MYO1E: variants seen among roughly 807,000 people sequenced by gnomAD.
The protein encoded by MYO1E is myosin IE.
In MYO1E, 68 loss-of-function variants were observed where a neutral mutation model predicts 151.1. The ratio of observed to expected loss-of-function variants is 0.45; its 90% CI spans 0.37 to 0.55. The LOEUF (loss-of-function observed/expected upper bound fraction) is 0.55, where lower values mean the gene tolerates loss of function less well. Among genes scored for constraint, MYO1E ranks in the 20% least tolerant of loss-of-function variants. The pLI is 0.00. For synonymous variants in MYO1E, 601 were observed against 501.7 expected, an observed-to-expected ratio of 1.20 and a Z score of -2.64; for missense variants, 1,363 against 1,389.3, an observed-to-expected ratio of 0.98 and a Z score of 0.30.
At chr15:59,192,409 T>C (rs1181366883) in intron 17 of MYO1E, among the ~76,000 whole-genome samples, 2 of 152,150 alleles carry the variant, frequency 1.3e-5, no homozygotes, top group Non-Finnish European at 2.9e-5. Flanking sequence ...CAATGAATTA[T>C]GTTGGATTTT....
At chr15:59,333,229 A>ACTTT (rs779416248) in intron 1 of MYO1E, among the ~76,000 whole-genome samples, 1 of 151,872 alleles carries the variant, frequency 6.6e-6, no homozygotes, top group Non-Finnish European at 1.5e-5. Flanking sequence ...ATCACTATCT[A>ACTTT]CTTTCTTTCT....
intron 9 of MYO1E, among the ~76,000 whole-genome samples, chr15:59,220,852 G>T (rs2079950156): frequency 9.6e-6 from 1 of 104,426 alleles, no homozygotes; most frequent in African/African-American, 2.7e-5. Context: ...CACTTCCGGA[G>T]GCCAAGGCGG....
chr15:59,188,621 G>C (rs1214121103), intron 17 of MYO1E, among the ~76,000 whole-genome samples: 2 of 152,158 alleles, frequency 1.3e-5, no homozygotes, highest in Admixed American at 6.5e-5. Context: ...GCTTGAACCA[G>C]GGAGGCAGAG....
In MYO1E at chr15:59,173,778, C is replaced by T; in HGVS notation, c.2302G>A (p.Asp768Asn). 6.2e-7 allele frequency: 1 copy of T among 1,614,156 alleles called. No homozygotes were observed. The change falls in exon 21 of 28, where the codon GAC (aspartate) becomes AAC (asparagine). Residue 768 changes from aspartate to asparagine, a missense_variant. Physicochemically the swap from Asp to Asn is conservative, Grantham distance 23. Transcript: ENST00000288235. Reference protein sequence around the residue: ...VGKREKIDFADTVTKYDRRFK... With the variant: ...VGKREKIDFANTVTKYDRRFK... Reference sequence around the variant, plus strand: ...CTCCTGTCATACTTGGTGACTGTGTCTGCGAAATCAATCTTCTCCCTCTTG... The same window carrying T: ...CTCCTGTCATACTTGGTGACTGTGTTTGCGAAATCAATCTTCTCCCTCTTG...
chr15:59,241,996 G>A (rs1290145515), intron 4 of MYO1E, among the ~76,000 whole-genome samples: 1 of 152,060 alleles, frequency 6.6e-6, no homozygotes, highest in Non-Finnish European at 1.5e-5. Context: ...GAAGCTGGGA[G>A]GGGTAGGGAG....
chr15:59,352,877 C>G (rs574373900), intron 1 of MYO1E, among the ~76,000 whole-genome samples: 1 of 152,288 alleles, frequency 6.6e-6, no homozygotes, highest in African/African-American at 2.4e-5. Context: ...AACTCTTTAT[C>G]ACCATGTAAT....
chr15:59,290,315 T>TA (rs2080411788), intron 1 of MYO1E, among the ~76,000 whole-genome samples: 1 of 152,210 alleles, frequency 6.6e-6, no homozygotes, highest in Non-Finnish European at 1.5e-5. Flanking sequence ...AAGCTGCCTT[T>TA]AGATCCCACA....
intron 1 of MYO1E, among the ~76,000 whole-genome samples, chr15:59,321,321 C>G (rs2080624367): frequency 6.6e-6 from 1 of 152,184 alleles, no homozygotes; most frequent in African/African-American, 2.4e-5. Flanking sequence ...CTCAGCAATC[C>G]CATTACTGGG....
intron 2 of MYO1E, among the ~76,000 whole-genome samples, chr15:59,269,473 T>C (rs1254171026): frequency 6.6e-6 from 1 of 152,232 alleles, no homozygotes; most frequent in East Asian, 1.9e-4. Flanking sequence ...TTTTTGACGG[T>C]GTTAAGTCCG....
chr15:59,193,246 GAGGC>G (rs1202525825), intron 17 of MYO1E, among the ~76,000 whole-genome samples: 1 of 152,220 alleles, frequency 6.6e-6, no homozygotes, highest in Non-Finnish European at 1.5e-5. Flanking sequence ...TGGGGATCCT[GAGGC>G]AGGCTCAAGT....
intron 9 of MYO1E, chr15:59,218,421 A>G (rs1359881308): frequency 2.4e-6 from 1 of 423,014 alleles, no homozygotes; most frequent in Non-Finnish European, 4.5e-6. Flanking sequence ...CATCTCTCCA[A>G]GCTTCCAGCA....
intron 24 of MYO1E, 40 bp from the exon 25 acceptor site, chr15:59,158,419 T>C: frequency 2.0e-6 from 3 of 1,493,332 alleles, no homozygotes; most frequent in Non-Finnish European, 1.8e-6. Flanking sequence ...GTGCTACTGG[T>C]TGGTTTTATG....
chr15:59,288,898 C>G (rs1258708135), intron 1 of MYO1E, among the ~76,000 whole-genome samples: 1 of 152,134 alleles, frequency 6.6e-6, no homozygotes, highest in Non-Finnish European at 1.5e-5. Context: ...TGACAAAGAC[C>G]ATTTGAGCAA....
chr15:59,311,314 G>T (rs149888240), intron 1 of MYO1E, among the ~76,000 whole-genome samples: 8 of 152,008 alleles, frequency 5.3e-5, no homozygotes, highest in Non-Finnish European at 1.0e-4. Flanking sequence ...TAAGGAACAC[G>T]TCACCTAGGT....
intron 16 of MYO1E, among the ~76,000 whole-genome samples, chr15:59,199,580 A>T (rs2045213411): frequency 6.6e-6 from 1 of 152,154 alleles, no homozygotes; most frequent in Admixed American, 6.5e-5. Flanking sequence ...TCAAAATCAA[A>T]TGCTATTAAA....
chr15:59,197,133 C>T (rs1036617758), intron 16 of MYO1E, among the ~76,000 whole-genome samples: 26 of 151,754 alleles, frequency 1.7e-4, no homozygotes, highest in Non-Finnish European at 2.5e-4. Flanking sequence ...GCTGGGACTA[C>T]AGGCGTATGC....
At chr15:59,248,486 C>CAAAAAA (rs71119447) in intron 4 of MYO1E, among the ~76,000 whole-genome samples, 2 of 57,038 alleles carry the variant, frequency 3.5e-5, no homozygotes, top group African/African-American at 7.5e-5. Flanking sequence ...GACTCCATCT[C>CAAAAAA]AAAAAAAAAA....
intron 1 of MYO1E, among the ~76,000 whole-genome samples, chr15:59,358,396 G>A (rs1363058027): frequency 6.6e-6 from 1 of 152,164 alleles, no homozygotes; most frequent in Non-Finnish European, 1.5e-5. Context: ...TCCAAGTCCA[G>A]ATGAATGCTT....
At chr15:59,312,426 G>C (rs1434407316) in intron 1 of MYO1E, among the ~76,000 whole-genome samples, 1 of 152,176 alleles carries the variant, frequency 6.6e-6, no homozygotes, top group Non-Finnish European at 1.5e-5. Flanking sequence ...GGACTTTCCA[G>C]GGACAACACA....
Sources: gnomAD v4.1 joint callset for allele counts (sites outside exome capture counted in the v4.1 genomes callset) on GRCh38, gnomAD v4.1.1 for gene constraint, MANE v1.5 for transcripts, NCBI Gene and HGNC (gene_info 2026-07-23, HGNC 2026-07-21) for gene names.